DNAJC5: variants seen among roughly 807,000 people sequenced by gnomAD.
The protein encoded by DNAJC5 is dnaJ homolog subfamily C member 5.
Under a neutral mutation model 23.2 loss-of-function variants are expected in DNAJC5, and 1 was observed. The observed-to-expected ratio is 0.04, with a 90% CI of 0.02 to 0.20. DNAJC5 has a LOEUF of 0.20. Among genes scored for constraint, DNAJC5 ranks in the 10% least tolerant of loss-of-function variants. The pLI is 1.00. For synonymous variants in DNAJC5, 136 were observed against 120.0 expected (o/e 1.13, Z -0.87); for missense variants, 180 against 267.0 (o/e 0.67, Z 2.27).
Position 63,920,117 on chromosome 20 carries a change from A to G in DNAJC5, c.-11-8218A>G, listed in dbSNP as rs1197552594. Among the ~76,000 whole-genome samples the G allele has an allele frequency of 5.3e-5, 7 of 132,860 alleles. No homozygotes were observed. Among genetic ancestry groups the G allele is most frequent in the Admixed American group, 3.0e-4 (4 of 13,426 alleles). The allele number at this position is 132,860 out of a possible 152,430, so 87.2% of individuals were successfully genotyped here. ...TGTGGACATGTGCCCAGGGCCCGGG[A>G]CAGCGCCACGGAAGAGGACGCACAG... is the stretch of plus-strand genomic sequence containing the variant. On this transcript the variant is annotated intron_variant, in intron 1 of 4. Coordinates refer to ENST00000360864, the MANE Select transcript of DNAJC5 (RefSeq NM_025219.3). The surrounding 1 kb of genome is among the most constrained non-coding windows in gnomAD (Gnocchi z 4.6).
At chr20:63,917,402 A>G (rs1038936905) in intron 1 of DNAJC5, among the ~76,000 whole-genome samples, 10 of 151,858 alleles carry the variant, frequency 6.6e-5, no homozygotes, top group Non-Finnish European at 1.0e-4. Flanking sequence ...CTGCAGGTGC[A>G]ATACAAAAAA....
chr20:63,919,468 C>A, intron 1 of DNAJC5: 1 of 497,142 alleles, frequency 2.0e-6, no homozygotes, highest in South Asian at 1.5e-5. Context: ...GTGCCCAGGG[C>A]CCGGGACAGC....
In DNAJC5 at chr20:63,911,722, G is replaced by A. The variant is rs73624787; in HGVS notation, c.-12+16399G>A. Among the ~76,000 whole-genome samples, 371 of 151,972 alleles carry A rather than the reference G, an allele frequency of 2.4e-3. 7 individuals are homozygous for A. The East Asian group carries it at 0.059, about 24-fold the overall frequency. On this transcript the variant is annotated intron_variant, in intron 1 of 4. Transcript: ENST00000360864. Reference sequence around the variant, plus strand: ...AGGGTCTTGCTCTGTCAATCAGGCTGGAGTGCGGTGGCGCGATCTCGGCTC... The same window carrying A: ...AGGGTCTTGCTCTGTCAATCAGGCTAGAGTGCGGTGGCGCGATCTCGGCTC...
In DNAJC5 at chr20:63,930,844, C is replaced by G; in HGVS notation, c.322-7C>G. On this transcript the variant is annotated splice_region_variant and splice_polypyrimidine_tract_variant and intron_variant, in intron 3 of 4. Coordinates refer to ENST00000360864, the MANE Select transcript of DNAJC5 (RefSeq NM_025219.3). ...GGCCATGCAACACCACCTTCTTCTC[C>G]CCCCAGGCCCTGTTTGTCTTCTGCG... 1.2e-6 allele frequency: 2 copies of G among 1,612,278 alleles called. No individual in the cohort carries two copies. Among genetic ancestry groups the G allele is most frequent in the Non-Finnish European group, 1.7e-6 (2 of 1,179,906 alleles).
intron 1 of DNAJC5, among the ~76,000 whole-genome samples, chr20:63,913,090 T>TCTG (rs1244684853): frequency 6.6e-6 from 1 of 152,188 alleles, no homozygotes; most frequent in Non-Finnish European, 1.5e-5. Flanking sequence ...CATCTCCCTG[T>TCTG]CTGCACTGTC....
chr20:63,912,242 G>A (rs2053486907), intron 1 of DNAJC5, among the ~76,000 whole-genome samples: 1 of 151,470 alleles, frequency 6.6e-6, no homozygotes, highest in African/African-American at 2.4e-5. Context: ...GGCGGAGGTT[G>A]CAGTGAGCTG....
At chr20:63,907,941 T>C (rs2053457954) in intron 1 of DNAJC5, among the ~76,000 whole-genome samples, 1 of 152,138 alleles carries the variant, frequency 6.6e-6, no homozygotes, top group South Asian at 2.1e-4. Context: ...CTAATTTTTG[T>C]ATTTTTAGTA....
chr20:63,913,012 A>ATTT (rs34011099), intron 1 of DNAJC5, among the ~76,000 whole-genome samples: 7,756 of 144,612 alleles, frequency 0.054, 416 homozygotes, highest in East Asian at 0.22. Flanking sequence ...ATTTTTAGCA[A>ATTT]TTTTTTTTTT....
At chr20:63,921,660 C>T (rs1352122196) in intron 1 of DNAJC5, among the ~76,000 whole-genome samples, 3 of 151,920 alleles carry the variant, frequency 2.0e-5, no homozygotes, top group South Asian at 2.1e-4. Context: ...CTGCGAATAA[C>T]GCTGATGGCA....
rs1274037749 is a variant in DNAJC5 at position 63,895,144 on chromosome 20, G to C, written c.-191G>C. 6.5e-6 allele frequency: 1 copy of C among 154,256 alleles called. No individual in the cohort carries two copies. The highest frequency in any genetic ancestry group is 2.4e-5 in the African/African-American group (1 of 41,344). The allele number at this position is 154,256 out of a possible 1,614,324, so 9.6% of individuals were successfully genotyped here. ...TGCGGGTGCGTGCGTGAGCGTGCTC[G>C]TCTCCGCTGCCGCTGCCGCTGCCGC... On this transcript the variant is annotated 5_prime_UTR_variant, in exon 1 of 5. Transcript: ENST00000360864.
At chr20:63,916,151 T>C (rs1210464415) in intron 1 of DNAJC5, among the ~76,000 whole-genome samples, 2 of 152,220 alleles carry the variant, frequency 1.3e-5, no homozygotes, top group Admixed American at 6.5e-5. Flanking sequence ...TTTTGCCGTG[T>C]TGGTCAGGCT....
At chr20:63,926,675 G>A (rs2053618848) in intron 1 of DNAJC5, among the ~76,000 whole-genome samples, 1 of 152,202 alleles carries the variant, frequency 6.6e-6, no homozygotes, top group South Asian at 2.1e-4. Flanking sequence ...CCCCGCTCAG[G>A]CTGGCAGGCG....
At chr20:63,925,037 G>A (rs1274267448) in intron 1 of DNAJC5, among the ~76,000 whole-genome samples, 1 of 152,264 alleles carries the variant, frequency 6.6e-6, no homozygotes, top group African/African-American at 2.4e-5. Flanking sequence ...ACCAGGGGAT[G>A]CAGGGGTGGT....
At chr20:63,901,174 AG>A (rs1326722495) in intron 1 of DNAJC5, among the ~76,000 whole-genome samples, 1 of 152,230 alleles carries the variant, frequency 6.6e-6, no homozygotes, top group Non-Finnish European at 1.5e-5. Flanking sequence ...CATGTTGTCC[AG>A]GCTGGTCTCA....
At chr20:63,911,143 T>C (rs1370973431) in intron 1 of DNAJC5, among the ~76,000 whole-genome samples, 1 of 152,236 alleles carries the variant, frequency 6.6e-6, no homozygotes, top group African/African-American at 2.4e-5. Context: ...ATTCACTGAA[T>C]GCTCTATTAG....
At chr20:63,915,235 A>C (rs1200207751) in intron 1 of DNAJC5, among the ~76,000 whole-genome samples, 1 of 152,318 alleles carries the variant, frequency 6.6e-6, no homozygotes, top group East Asian at 1.9e-4. Flanking sequence ...CCTTAGGGTC[A>C]GGAAGGATTT....
intron 1 of DNAJC5, among the ~76,000 whole-genome samples, chr20:63,912,060 T>G (rs1037731500): frequency 6.6e-6 from 1 of 152,220 alleles, no homozygotes; most frequent in East Asian, 1.9e-4. Flanking sequence ...CCCATCACTT[T>G]GGGAGGCTGA....
At chr20:63,913,661 C>T (rs1036084759) in intron 1 of DNAJC5, among the ~76,000 whole-genome samples, 5 of 152,116 alleles carry the variant, frequency 3.3e-5, no homozygotes, top group Admixed American at 3.3e-4. Context: ...GCAACCTCCA[C>T]CTCCTGGGTT....
chr20:63,914,146 C>T (rs919131029), intron 1 of DNAJC5, among the ~76,000 whole-genome samples: 2 of 152,296 alleles, frequency 1.3e-5, no homozygotes, highest in East Asian at 1.9e-4. Context: ...GTGAAAGTGG[C>T]GCCCAGACTT....
Sources: allele counts gnomAD v4.1 joint callset (sites outside exome capture counted in the v4.1 genomes callset), GRCh38; gene constraint gnomAD v4.1.1; non-coding constraint Gnocchi (gnomAD v3.1); transcripts MANE v1.5; gene names NCBI Gene and HGNC (gene_info 2026-07-23, HGNC 2026-07-21).